Variants in TMEM132C observed in about 807,000 individuals in gnomAD.
TMEM132C encodes the protein transmembrane protein 132C, also known as protein phosphatase 1, regulatory subunit 152.
TMEM132C carries 29 observed loss-of-function variants against 61.4 expected under a neutral mutation model. The ratio of observed to expected loss-of-function variants is 0.47; its 90% CI spans 0.35 to 0.64. TMEM132C has a LOEUF of 0.64. Among genes scored for constraint, TMEM132C ranks in the 30% least tolerant of loss-of-function variants. TMEM132C has a pLI of 0.00. For missense variants in TMEM132C, 1,408 were observed against 1,476.9 expected (o/e 0.95, Z 0.76); for synonymous variants, 656 against 633.1 (o/e 1.04, Z -0.54).
intron 4 of TMEM132C, among the ~76,000 whole-genome samples, chr12:128,658,820 C>G (rs989380740): frequency 2.6e-5 from 4 of 152,224 alleles, no homozygotes; most frequent in African/African-American, 9.6e-5. Context: ...TGCAAATTAT[C>G]AAGATGCAAA....
intron 3 of TMEM132C, among the ~76,000 whole-genome samples, chr12:128,584,035 A>G (rs559518228): frequency 2.6e-5 from 4 of 152,334 alleles, no homozygotes; most frequent in African/African-American, 7.2e-5. Context: ...CATTTCAGGT[A>G]TTTTGTAGCA....
At chr12:128,299,637 A>G (rs1418739932) in intron 1 of TMEM132C, among the ~76,000 whole-genome samples, 1 of 152,220 alleles carries the variant, frequency 6.6e-6, no homozygotes, top group Non-Finnish European at 1.5e-5. Context: ...AAACAATTCC[A>G]GATTGTTTTT....
At chr12:128,376,537 C>T (rs1009375088) in intron 1 of TMEM132C, among the ~76,000 whole-genome samples, 2 of 152,164 alleles carry the variant, frequency 1.3e-5, no homozygotes, top group African/African-American at 4.8e-5. Flanking sequence ...GAACTTGAAG[C>T]ATGAAGCAAA....
intron 2 of TMEM132C, among the ~76,000 whole-genome samples, chr12:128,437,568 T>C (rs1869644329): frequency 6.6e-6 from 1 of 152,188 alleles, no homozygotes; most frequent in African/African-American, 2.4e-5. Flanking sequence ...TGTGCTTGTA[T>C]GTCTCTGCCT....
chr12:128,553,466 A>G (rs933079125), intron 3 of TMEM132C, among the ~76,000 whole-genome samples: 1 of 152,194 alleles, frequency 6.6e-6, no homozygotes, highest in African/African-American at 2.4e-5. Context: ...TTTTTATACC[A>G]TTGAGATCAG....
intron 2 of TMEM132C, among the ~76,000 whole-genome samples, chr12:128,522,946 A>T (rs551415013): frequency 6.6e-6 from 1 of 152,236 alleles, no homozygotes; most frequent in Non-Finnish European, 1.5e-5. Flanking sequence ...TCAAAGAGAT[A>T]GTTACACAAC....
Position 128,651,771 on chromosome 12 carries a change from C to T in TMEM132C, c.1306-17646C>T, listed in dbSNP as rs538460222. 2.0e-5 allele frequency among the ~76,000 whole-genome samples: 3 copies of T among 152,170 alleles called. No individual in the cohort carries two copies. In the South Asian group the frequency reaches 6.2e-4, roughly 32 times the overall value. ...TGTGGATATCTGGGGCAACAGCACT[C>T]CAGGCAGAAGGAACAGCATATGCAA... On this transcript the variant is annotated intron_variant, in intron 4 of 8. Transcript: ENST00000435159.
intron 2 of TMEM132C, among the ~76,000 whole-genome samples, chr12:128,510,293 C>T (rs1274811692): frequency 6.6e-6 from 1 of 152,216 alleles, no homozygotes; most frequent in Non-Finnish European, 1.5e-5. Context: ...CCCTATAAAA[C>T]ATTTACAGGC....
chr12:128,697,500 A>G, intron 8 of TMEM132C, 85 bp downstream of exon 8: 3 of 1,353,330 alleles, frequency 2.2e-6, no homozygotes, highest in Middle Eastern at 2.6e-4. Context: ...GGAGTGAGAA[A>G]TGGGGGCAGG....
At chr12:128,361,980 G>A (rs1873719769) in intron 1 of TMEM132C, among the ~76,000 whole-genome samples, 1 of 152,142 alleles carries the variant, frequency 6.6e-6, no homozygotes, top group South Asian at 2.1e-4. Flanking sequence ...CAGCCTGCTA[G>A]AGAGAGCCAG....
intron 1 of TMEM132C, among the ~76,000 whole-genome samples, chr12:128,342,751 C>A (rs1354301357): frequency 6.6e-6 from 1 of 152,234 alleles, no homozygotes; most frequent in African/African-American, 2.4e-5. Context: ...AACTGCTGCT[C>A]TCCTTCTCTG....
chr12:128,365,531 C>T (rs1354350469), intron 1 of TMEM132C, among the ~76,000 whole-genome samples: 1 of 152,178 alleles, frequency 6.6e-6, no homozygotes, highest in Non-Finnish European at 1.5e-5. Flanking sequence ...CCTCCCCCTA[C>T]TTCTTTCCCG....
At chr12:128,304,113 T>C (rs757627153) in intron 1 of TMEM132C, among the ~76,000 whole-genome samples, 2 of 152,200 alleles carry the variant, frequency 1.3e-5, no homozygotes, top group Non-Finnish European at 2.9e-5. Flanking sequence ...ATACCCTTCA[T>C]GTTACACAAG....
intron 1 of TMEM132C, among the ~76,000 whole-genome samples, chr12:128,400,487 C>T (rs1414962448): frequency 6.6e-6 from 1 of 152,022 alleles, no homozygotes; most frequent in Admixed American, 6.5e-5. Context: ...ATCTTTGGGG[C>T]TGGATAATTC....
chr12:128,673,681 C>T (rs1954556711), intron 5 of TMEM132C, among the ~76,000 whole-genome samples: 1 of 152,222 alleles, frequency 6.6e-6, no homozygotes, highest in Non-Finnish European at 1.5e-5. Context: ...GAATGTCTCC[C>T]GAAGAATTCC....
At chr12:128,471,290 G>T (rs75727476) in intron 2 of TMEM132C, among the ~76,000 whole-genome samples, 125 of 152,180 alleles carry the variant, frequency 8.2e-4, no homozygotes, top group African/African-American at 3.0e-3. Flanking sequence ...TTAAATTCTC[G>T]CCATTGTTTT....
chr12:128,453,566 G>A (rs1370825031), intron 2 of TMEM132C, among the ~76,000 whole-genome samples: 1 of 152,274 alleles, frequency 6.6e-6, no homozygotes, highest in Non-Finnish European at 1.5e-5. Flanking sequence ...AGGGATATTT[G>A]ACTCTGGATG....
intron 2 of TMEM132C, among the ~76,000 whole-genome samples, chr12:128,425,296 A>T (rs1032687461): frequency 3.9e-5 from 6 of 152,184 alleles, no homozygotes; most frequent in South Asian, 2.1e-4. Flanking sequence ...CTTGGCGCTC[A>T]TCTGGGAGGG....
In TMEM132C at chr12:128,570,671, T is replaced by C. The variant is rs1874846267; in HGVS notation, c.1121+26568T>C. On this transcript the variant is annotated intron_variant, in intron 3 of 8. Coordinates refer to ENST00000435159, the MANE Select transcript of TMEM132C (RefSeq NM_001136103.3). The surrounding 1 kb of genome is among the most constrained non-coding windows in gnomAD (Gnocchi z 4.7). ...TCTTTCTGCTCTGCCATCTATGGCA[T>C]GTGGTGGCTTTTCTCATGCTCACAG... Among the ~76,000 whole-genome samples, 1 of 152,102 alleles carries C rather than the reference T, an allele frequency of 6.6e-6. No individual in the cohort carries two copies. Among genetic ancestry groups the C allele is most frequent in the African/African-American group, 2.4e-5 (1 of 41,414 alleles).
Sources: gnomAD v4.1 joint callset for allele counts (sites outside exome capture counted in the v4.1 genomes callset) on GRCh38, gnomAD v4.1.1 for gene constraint, Gnocchi (gnomAD v3.1) non-coding constraint, MANE v1.5 for transcripts, NCBI Gene and HGNC (gene_info 2026-07-23, HGNC 2026-07-21) for gene names.